The following CSNK2A1 variants were observed in gnomAD, a reference collection of about 807,000 sequenced individuals.
The protein encoded by CSNK2A1 is casein kinase 2 alpha 1, also known as casein kinase II subunit alpha.
Under a neutral mutation model 62.9 loss-of-function variants are expected in CSNK2A1, and 10 were observed. The observed-to-expected ratio is 0.16, with a 90% CI of 0.10 to 0.27. CSNK2A1 has a LOEUF of 0.27. Among genes scored for constraint, CSNK2A1 ranks in the 10% least tolerant of loss-of-function variants. CSNK2A1 has a pLI of 1.00. For missense variants in CSNK2A1, 160 were observed against 492.0 expected (o/e 0.33, Z 6.38); for synonymous variants, 124 against 167.8 (o/e 0.74, Z 2.02).
chr20:500,631 GCTCT>G lies in CSNK2A1; in HGVS notation c.214-701_214-698del, dbSNP rs1311854878. On this transcript the variant is annotated intron_variant, in intron 4 of 13. Coordinates refer to ENST00000217244, the MANE Select transcript of CSNK2A1 (RefSeq NM_177559.3). ...ATAACTGTCTAGCCTGATCACCAAT[GCTCT>G]TTTTTTTTTTTTTTTTTTTTTGAGA... 4 of 146,688 alleles carry G rather than the reference GCTCT, an allele frequency of 2.7e-5. 1 individual carries two copies. The highest frequency in any genetic ancestry group is 1.0e-4 in the African/African-American group (4 of 38,950). The allele number at this position is 146,688 out of a possible 1,614,324, so 9.1% of individuals were successfully genotyped here. A position where few individuals can be genotyped will look rare whatever the true frequency, so the allele number is the denominator to read the frequency against.
chr20:535,858 G>C lies in CSNK2A1; in HGVS notation c.-226-7809C>G, dbSNP rs147821752. Among the ~76,000 whole-genome samples, 1,300 of 152,210 alleles carry C rather than the reference G, an allele frequency of 8.5e-3. 17 individuals carry two copies. The highest frequency in any genetic ancestry group is 0.03 in the African/African-American group (1,226 of 41,528). On this transcript the variant is annotated intron_variant, in intron 1 of 13. Transcript: ENST00000217244. ...AAGCAAGTTAGTGGATTACCTGAGA[G>C]AGCAAGACATAGAGAAGATGTTAAT... is the stretch of plus-strand genomic sequence containing the variant.
intron 2 of CSNK2A1, among the ~76,000 whole-genome samples, chr20:517,444 TCAGA>T (rs961629629): frequency 4.6e-5 from 7 of 152,184 alleles, no homozygotes; most frequent in Non-Finnish European, 1.0e-4. Context: ...ATCTCTGCCC[TCAGA>T]CAAAGAAAAC....
rs1002285584 is a variant in CSNK2A1, at chr20:543,587, A to G, written c.-227+85T>C. ...GACGGGCCGCTCAGGAGTCTGCTGG[A>G]AGCGTGAGGGTCGGCCGCGCTCCGC... On this transcript the variant is annotated intron_variant, in intron 1 of 13. Coordinates refer to ENST00000217244, the MANE Select transcript of CSNK2A1 (RefSeq NM_177559.3). The G allele has an allele frequency of 4.3e-5, 17 of 397,060 alleles. 1 individual carries two copies. The highest frequency in any genetic ancestry group is 3.3e-4 in the African/African-American group (16 of 48,706). 24.6% of individuals were successfully genotyped at this position (397,060 alleles called of 1,614,324 possible).
At chr20:493,133 C>A (rs1378715126) in intron 8 of CSNK2A1, among the ~76,000 whole-genome samples, 2 of 152,204 alleles carry the variant, frequency 1.3e-5, no homozygotes, top group Non-Finnish European at 2.9e-5. Flanking sequence ...TCAGTCTCCC[C>A]CTGTTCGGTT....
At chr20:523,865 A>AAAAAAAAAACAAAAAAACAAAAAAACAAC (rs2019004897) in intron 2 of CSNK2A1, among the ~76,000 whole-genome samples, 1 of 142,158 alleles carries the variant, frequency 7.0e-6, no homozygotes, top group African/African-American at 2.6e-5. Context: ...TCTCAAAAAA[A>AAAAAAAAAACAAAAAAACAAAAAAACAAC]AAAAAAAAAA....
At chr20:497,879 C>T (rs1270813672) in intron 6 of CSNK2A1, 99 bp from the exon 7 acceptor site, 12 of 1,076,384 alleles carry the variant, frequency 1.1e-5, no homozygotes, top group Middle Eastern at 2.2e-4. Flanking sequence ...GCTCATTTAC[C>T]GTTGTTCCAA....
chr20:493,802 C>CTTTA (rs1233023391), intron 8 of CSNK2A1, among the ~76,000 whole-genome samples: 1 of 152,176 alleles, frequency 6.6e-6, no homozygotes, highest in Non-Finnish European at 1.5e-5. Flanking sequence ...CCCCTCTGCT[C>CTTTA]TTTATCTCTA....
At chr20:490,005 A>C in intron 9 of CSNK2A1, 124 bp from the exon 10 acceptor site, 3 of 662,336 alleles carry the variant, frequency 4.5e-6, no homozygotes, top group Non-Finnish European at 7.0e-6. Context: ...AACACTAATA[A>C]CATCTTCATA....
Position 497,778 on chromosome 20 carries a change from T to C in CSNK2A1, c.369A>G (p.Gln123=), listed in dbSNP as rs143151604. ...CATAGTCTGTTAACGTCTGGTACAA[T>C]TGCTGTTAAAGACAAATGTTTGAGC... The part of the protein sequence containing the change: ...FEHVNNTDFK[Q]LYQTLTDYDI... Residue 123 remains glutamine (Q), a splice_region_variant and synonymous_variant, in exon 7 of 14, where the codon CAA becomes CAG. Coordinates refer to ENST00000217244, the MANE Select transcript of CSNK2A1 (RefSeq NM_177559.3). 388 of 1,612,438 alleles carry C rather than the reference T, an allele frequency of 2.4e-4. 1 individual carries two copies. In the African/African-American group the frequency reaches 2.8e-3, roughly 12 times the overall value.
chr20:505,421 G>A (rs191761838), intron 3 of CSNK2A1, among the ~76,000 whole-genome samples, 192 bp from the exon 4 acceptor site: 19 of 142,624 alleles, frequency 1.3e-4, no homozygotes, highest in African/African-American at 4.2e-4. Flanking sequence ...GTGCAGTGGC[G>A]CGATCTCTGC....
intron 8 of CSNK2A1, chr20:495,282 T>A (rs1369761848): frequency 6.2e-6 from 1 of 161,064 alleles, no homozygotes; most frequent in Admixed American, 6.0e-5. Flanking sequence ...AGGGCCCTTA[T>A]GACATCCAAT....
chr20:508,347 TATACAC>T, intron 3 of CSNK2A1, 98 bp downstream of exon 3: 1 of 1,271,614 alleles, frequency 7.9e-7, no homozygotes, highest in Non-Finnish European at 1.1e-6. Context: ...GATCCTGAGG[TATACAC>T]ATACAGAGTC....
chr20:523,873 A>C (rs1332744321), intron 2 of CSNK2A1, among the ~76,000 whole-genome samples: 1 of 150,892 alleles, frequency 6.6e-6, no homozygotes, highest in African/African-American at 2.4e-5. Context: ...AAAAAAAAAA[A>C]AAAAAAAACT....
chr20:517,495 A>C (rs980473688), intron 2 of CSNK2A1, among the ~76,000 whole-genome samples: 9 of 152,222 alleles, frequency 5.9e-5, no homozygotes, highest in African/African-American at 2.2e-4. Context: ...TGCTTGAAAC[A>C]ATTAAGTCAT....
chr20:494,846 T>C (rs1344316944), intron 8 of CSNK2A1: 3 of 152,252 alleles, frequency 2.0e-5, no homozygotes, highest in Admixed American at 2.0e-4. Context: ...GTACTTGCTA[T>C]TTACTCTGCC....
intron 2 of CSNK2A1, among the ~76,000 whole-genome samples, chr20:518,033 G>A (rs1285271715): frequency 1.3e-5 from 2 of 151,976 alleles, no homozygotes; most frequent in African/African-American, 4.8e-5. Context: ...TGGCACAATC[G>A]TAGCTCACTG....
intron 9 of CSNK2A1, 75 bp downstream of exon 9, chr20:492,179 A>T: frequency 7.9e-7 from 1 of 1,272,936 alleles, no homozygotes; most frequent in Non-Finnish European, 1.1e-6. Flanking sequence ...GCACAAAATG[A>T]TACTTTTTTT....
Position 478,272 on chromosome 20 carries a change from C to G in CSNK2A1, c.*5689G>C, listed in dbSNP as rs1305744434. On this transcript the variant is annotated 3_prime_UTR_variant, in exon 14 of 14. Coordinates refer to ENST00000217244, the MANE Select transcript of CSNK2A1 (RefSeq NM_177559.3). ...GGGAGAACAAAATGAGGTATACCGT[C>G]AGGTTTGAAGGGTTGAGGGTTATGG... The G allele has an allele frequency of 6.5e-6, 1 of 153,474 alleles. No homozygotes were observed. The highest frequency in any genetic ancestry group is 1.5e-5 in the Non-Finnish European group (1 of 68,632). The allele number at this position is 153,474 out of a possible 1,614,324, so 9.5% of individuals were successfully genotyped here. A position where few individuals can be genotyped will look rare whatever the true frequency, so the allele number is the denominator to read the frequency against.
intron 9 of CSNK2A1, among the ~76,000 whole-genome samples, chr20:490,335 C>CTTTTTTTTTTTTTTTTTTTTTTTTTTTTT (rs907727482): frequency 3.5e-5 from 3 of 84,798 alleles, no homozygotes; most frequent in African/African-American, 1.6e-4. Context: ...CTAGTTTTTT[C>CTTTTTTTTTTTTTTTTTTTTTTTTTTTTT]TTTTTTTTTT....
Sources: allele counts gnomAD v4.1 joint callset (sites outside exome capture counted in the v4.1 genomes callset), GRCh38; gene constraint gnomAD v4.1.1; transcripts MANE v1.5; gene names NCBI Gene and HGNC (gene_info 2026-07-23, HGNC 2026-07-21).